The following GPHN variants were observed in gnomAD, a reference collection of about 807,000 sequenced individuals.
GPHN encodes the protein gephyrin.
In GPHN, 17 loss-of-function variants were observed where a neutral mutation model predicts 95.5. The observed-to-expected ratio is 0.18, with a 90% CI of 0.12 to 0.27. GPHN has a LOEUF of 0.27. Ranked by LOEUF, GPHN falls within the 10% of genes least tolerant of loss-of-function variation. The pLI, the probability that GPHN is intolerant of heterozygous loss-of-function variation, is 1.00. For missense variants in GPHN, 660 were observed against 978.1 expected (o/e 0.67, Z 4.34); for synonymous variants, 320 against 322.5 (o/e 0.99, Z 0.08).
chr14:66,619,048 C>T (rs1388771846), intron 1 of GPHN, among the ~76,000 whole-genome samples: 2 of 152,158 alleles, frequency 1.3e-5, no homozygotes, highest in Non-Finnish European at 2.9e-5. Flanking sequence ...TGGCTTCCTT[C>T]ACTCAGCGTA....
the GPHN span, chr14:67,600,427 T>C: frequency 2.3e-5 from 12 of 521,076 alleles, no homozygotes; most frequent in South Asian, 5.2e-5. Context: ...GGGGCAATAG[T>C]TAAGTGGAAA....
intron 1 of GPHN, among the ~76,000 whole-genome samples, chr14:66,580,651 C>T (rs1215643355): frequency 6.6e-6 from 1 of 151,688 alleles, no homozygotes; most frequent in African/African-American, 2.4e-5. Flanking sequence ...TCTGTATAAA[C>T]TACTAATTAA....
At chr14:66,935,886 C>G (rs553894012) in intron 8 of GPHN, among the ~76,000 whole-genome samples, 41 of 152,204 alleles carry the variant, frequency 2.7e-4, no homozygotes, top group African/African-American at 7.9e-4. Flanking sequence ...CGTAAATCCT[C>G]ATTTTGCTTG....
At chr14:67,653,432 C>G in the GPHN span, 1 of 1,613,538 alleles carries the variant, frequency 6.2e-7, no homozygotes, top group Non-Finnish European at 8.5e-7. Context: ...TTTAATAAAA[C>G]TTACTTTCTG....
At chr14:66,583,976 C>T (rs995624121) in intron 1 of GPHN, among the ~76,000 whole-genome samples, 2 of 152,044 alleles carry the variant, frequency 1.3e-5, no homozygotes, top group African/African-American at 4.8e-5. Context: ...TTACCTTGGG[C>T]AGTATGGCCA....
chr14:67,104,079 G>C lies in GPHN; in HGVS notation c.1293+3168G>C, dbSNP rs535677390. Reference sequence around the variant, plus strand: ...GTTGTTGAGAGTTTTAACCATGAAGGATTGTTGAATTTTATCAGATGTTTT... The same window carrying C: ...GTTGTTGAGAGTTTTAACCATGAAGCATTGTTGAATTTTATCAGATGTTTT... On this transcript the variant is annotated intron_variant, in intron 13 of 22. Transcript: ENST00000478722. Among the ~76,000 whole-genome samples, 8 of 152,216 alleles carry C rather than the reference G, an allele frequency of 5.3e-5. No individual in the cohort carries two copies. The East Asian group carries it at 1.4e-3, about 26-fold the overall frequency.
At chr14:66,673,018 C>G (rs181607802) in intron 1 of GPHN, among the ~76,000 whole-genome samples, 1 of 152,190 alleles carries the variant, frequency 6.6e-6, no homozygotes, top group Admixed American at 6.5e-5. Context: ...TTTTGTGTTT[C>G]TAATTGAACA....
chr14:67,579,816 C>G, the GPHN span: 2 of 1,610,148 alleles, frequency 1.2e-6, no homozygotes, highest in East Asian at 2.2e-5. Context: ...CTGGCTTTGC[C>G]CTCTTCACGG....
chr14:66,947,392 T>G (rs2067825869), intron 8 of GPHN, among the ~76,000 whole-genome samples: 1 of 152,212 alleles, frequency 6.6e-6, no homozygotes, highest in African/African-American at 2.4e-5. Flanking sequence ...ATAGTTACAA[T>G]TATATACTTA....
At chr14:67,206,270 G>A in the GPHN span, among the ~76,000 whole-genome samples, 9 of 152,210 alleles carry the variant, frequency 5.9e-5, no homozygotes, top group Admixed American at 3.9e-4. Context: ...AGACCGAGGC[G>A]GGCAGATCAC....
intron 1 of GPHN, among the ~76,000 whole-genome samples, chr14:66,644,806 T>G (rs1282011213): frequency 2.6e-5 from 4 of 152,176 alleles, no homozygotes; most frequent in Non-Finnish European, 5.9e-5. Context: ...ATTCAGTCAC[T>G]AACTAAACAA....
chr14:67,229,484 T>C, the GPHN span, among the ~76,000 whole-genome samples: 1 of 152,214 alleles, frequency 6.6e-6, no homozygotes, highest in Admixed American at 6.5e-5. Context: ...TTATTTTTAA[T>C]AAATGTAAAT....
chr14:67,051,065 A>T (rs1870708449), intron 10 of GPHN, among the ~76,000 whole-genome samples: 1 of 152,210 alleles, frequency 6.6e-6, no homozygotes, highest in African/African-American at 2.4e-5. Context: ...TCAGGTGGAG[A>T]CTGCCTAAGA....
At chr14:66,761,210 TGATA>T (rs1198769210) in intron 2 of GPHN, among the ~76,000 whole-genome samples, 1 of 152,226 alleles carries the variant, frequency 6.6e-6, no homozygotes, top group Non-Finnish European at 1.5e-5. Flanking sequence ...AAATTTTCAC[TGATA>T]GATATACTTA....
chr14:67,328,565 T>C, the GPHN span, among the ~76,000 whole-genome samples: 124 of 152,354 alleles, frequency 8.1e-4, 1 homozygote, highest in African/African-American at 2.8e-3. Flanking sequence ...GCCTATGTCC[T>C]GAATGGTATT....
the GPHN span, chr14:67,198,199 A>G: frequency 5.1e-5 from 83 of 1,613,774 alleles, no homozygotes; most frequent in Admixed American, 8.3e-5. Flanking sequence ...ATGAGGATCA[A>G]TAAGCAAGAT....
the GPHN span, among the ~76,000 whole-genome samples, chr14:67,718,522 G>A: frequency 6.6e-6 from 1 of 152,200 alleles, no homozygotes; most frequent in Non-Finnish European, 1.5e-5. Context: ...CTCAGTGTTA[G>A]CCCTGGGAGG....
the GPHN span, among the ~76,000 whole-genome samples, chr14:67,502,507 C>A: frequency 1.4e-5 from 2 of 142,654 alleles, no homozygotes; most frequent in Non-Finnish European, 3.0e-5. Flanking sequence ...GGCTAGAGTG[C>A]AATGGCATGA....
chr14:67,597,990 G>C, the GPHN span, among the ~76,000 whole-genome samples: 1 of 152,260 alleles, frequency 6.6e-6, no homozygotes, highest in East Asian at 1.9e-4. Context: ...AATCCTTAAG[G>C]ATTTGATCCA....
Sources: gnomAD v4.1 joint callset for allele counts (sites outside exome capture counted in the v4.1 genomes callset) on GRCh38, gnomAD v4.1.1 for gene constraint, MANE v1.5 for transcripts, NCBI Gene and HGNC (gene_info 2026-07-23, HGNC 2026-07-21) for gene names.